Variants in RBFOX1 observed in about 807,000 individuals in gnomAD.
RBFOX1 encodes the protein RNA binding fox-1 homolog 1.
A neutral mutation model predicts 57.7 loss-of-function variants in RBFOX1; 8 were observed. The observed-to-expected ratio is 0.14, with a 90% CI of 0.08 to 0.25. The LOEUF (loss-of-function observed/expected upper bound fraction) is 0.25. Among genes scored for constraint, RBFOX1 ranks in the 10% least tolerant of loss-of-function variants. RBFOX1 has a pLI of 1.00. For synonymous variants in RBFOX1, 326 were observed against 222.4 expected, an observed-to-expected ratio of 1.47 and a Z score of -4.15; for missense variants, 611 against 548.5, an observed-to-expected ratio of 1.11 and a Z score of -1.14.
intron 4 of RBFOX1, among the ~76,000 whole-genome samples, chr16:5,871,402 C>T (rs936802908): frequency 1.3e-5 from 2 of 152,218 alleles, no homozygotes; most frequent in African/African-American, 4.8e-5. Flanking sequence ...AAGTTCAGCA[C>T]ACACATATTT....
intron 4 of RBFOX1, among the ~76,000 whole-genome samples, chr16:7,137,263 C>A (rs984700408): frequency 6.6e-6 from 1 of 152,140 alleles, no homozygotes; most frequent in Non-Finnish European, 1.5e-5. Context: ...CCTATTCTGA[C>A]CAGCACAGGT....
chr16:6,000,174 T>G (rs953672145), intron 4 of RBFOX1, among the ~76,000 whole-genome samples: 1 of 152,152 alleles, frequency 6.6e-6, no homozygotes, highest in Non-Finnish European at 1.5e-5. Flanking sequence ...TTACAGGATG[T>G]GTTTTCTGGC....
intron 5 of RBFOX1, among the ~76,000 whole-genome samples, chr16:7,551,254 G>A (rs2152549757): frequency 6.6e-6 from 1 of 152,168 alleles, no homozygotes; most frequent in East Asian, 1.9e-4. Context: ...ACCACCACTT[G>A]TCCCCCAGAA....
At chr16:6,824,236 C>G (rs558662348) in intron 3 of RBFOX1, among the ~76,000 whole-genome samples, 29 of 152,312 alleles carry the variant, frequency 1.9e-4, no homozygotes, top group African/African-American at 7.0e-4. Flanking sequence ...GAAACTCCAT[C>G]TCCACTAAAA....
chr16:7,557,606 T>A lies in RBFOX1; in HGVS notation c.271-22171T>A, dbSNP rs2088990477. On this transcript the variant is annotated intron_variant, in intron 5 of 15. Transcript: ENST00000550418. ...CTGCACTCCAGCCTGGGAGACAAAGTTAGACTCTGTCTCAAAAAAAAAAAA... is the reference window on the plus strand; with the variant it reads ...CTGCACTCCAGCCTGGGAGACAAAGATAGACTCTGTCTCAAAAAAAAAAAA... Among the ~76,000 whole-genome samples the A allele has an allele frequency of 5.5e-5, 6 of 109,966 alleles. No individual in the cohort carries two copies. The Admixed American group carries it at 7.4e-4, about 13-fold the overall frequency. The allele number at this position is 109,966 out of a possible 152,430, so 72.1% of individuals were successfully genotyped here.
At chr16:5,629,954 A>G (rs1567320264) in intron 3 of RBFOX1, among the ~76,000 whole-genome samples, 2 of 152,142 alleles carry the variant, frequency 1.3e-5, no homozygotes, top group African/African-American at 4.8e-5. Flanking sequence ...ATCTCACAGG[A>G]GAGCTCCGTG....
chr16:5,436,109 G>A (rs1314044622), intron 1 of RBFOX1, among the ~76,000 whole-genome samples: 1 of 152,174 alleles, frequency 6.6e-6, no homozygotes, highest in East Asian at 1.9e-4. Flanking sequence ...AGGGGAGGGG[G>A]CAGTCCTAGA....
chr16:6,501,281 C>G (rs754440043), intron 2 of RBFOX1, among the ~76,000 whole-genome samples: 1 of 100,304 alleles, frequency 1.0e-5, no homozygotes, highest in Non-Finnish European at 1.9e-5. Context: ...CAAATGCTAT[C>G]CCTCCCCCCT....
intron 3 of RBFOX1, among the ~76,000 whole-genome samples, chr16:6,958,538 A>G (rs1009373552): frequency 6.6e-6 from 1 of 152,188 alleles, no homozygotes; most frequent in African/African-American, 2.4e-5. Context: ...AAACACATGG[A>G]TTGTTTTAAA....
At chr16:5,615,670 A>T (rs2047996008) in intron 3 of RBFOX1, among the ~76,000 whole-genome samples, 1 of 152,104 alleles carries the variant, frequency 6.6e-6, no homozygotes, top group South Asian at 2.1e-4. Flanking sequence ...GCCACTTTGG[A>T]TCGAGCCGTT....
intron 4 of RBFOX1, among the ~76,000 whole-genome samples, chr16:7,061,681 C>A (rs1035124333): frequency 6.6e-6 from 1 of 152,168 alleles, no homozygotes; most frequent in Non-Finnish European, 1.5e-5. Flanking sequence ...CAGGGAAAAT[C>A]TATTCCCATT....
intron 3 of RBFOX1, among the ~76,000 whole-genome samples, chr16:5,627,754 A>G (rs886769243): frequency 6.6e-6 from 1 of 152,222 alleles, no homozygotes; most frequent in East Asian, 1.9e-4. Flanking sequence ...TTTACATAGC[A>G]TTTACATTGT....
chr16:6,985,804 G>T (rs560885184), intron 3 of RBFOX1, among the ~76,000 whole-genome samples: 17 of 132,548 alleles, frequency 1.3e-4, no homozygotes, highest in Admixed American at 7.2e-4. Context: ...ACTGCACTCC[G>T]GCCTGGGCCA....
At chr16:6,523,741 A>G (rs1567549575) in intron 2 of RBFOX1, among the ~76,000 whole-genome samples, 1 of 152,032 alleles carries the variant, frequency 6.6e-6, no homozygotes, top group Admixed American at 6.6e-5. Context: ...ACATAGCCCC[A>G]TTGGTTGACT....
chr16:5,574,039 C>G (rs1190893637), intron 2 of RBFOX1, among the ~76,000 whole-genome samples: 1 of 152,176 alleles, frequency 6.6e-6, no homozygotes, highest in Non-Finnish European at 1.5e-5. Context: ...GGATTTGCCC[C>G]CGATGCCATT....
intron 4 of RBFOX1, among the ~76,000 whole-genome samples, chr16:7,131,998 CTTTTTTTTTT>C (rs34879688): frequency 1.7e-3 from 211 of 123,836 alleles, no homozygotes; most frequent in Admixed American, 2.6e-3. Context: ...TTTTTTCTTT[CTTTTTTTTTT>C]TTTTTTTGAG....
intron 1 of RBFOX1, among the ~76,000 whole-genome samples, chr16:6,214,587 G>A (rs1255828528): frequency 2.5e-5 from 3 of 119,178 alleles, no homozygotes; most frequent in Non-Finnish European, 3.5e-5. Context: ...CAAAGTGGGA[G>A]AAGGAGGGAG....
intron 4 of RBFOX1, among the ~76,000 whole-genome samples, chr16:7,114,870 G>A (rs377422138): frequency 2.6e-5 from 4 of 152,196 alleles, no homozygotes; most frequent in East Asian, 1.9e-4. Flanking sequence ...TACACACTGT[G>A]TGTTGCTTGG....
intron 4 of RBFOX1, among the ~76,000 whole-genome samples, chr16:7,108,317 CTTCT>C (rs1555480210): frequency 2.7e-5 from 4 of 147,692 alleles, no homozygotes; most frequent in Non-Finnish European, 4.5e-5. Context: ...CAAACAAGAA[CTTCT>C]TTCTATTTTA....
Sources: gnomAD v4.1 joint callset for allele counts (sites outside exome capture counted in the v4.1 genomes callset) on GRCh38, gnomAD v4.1.1 for gene constraint, MANE v1.5 for transcripts, NCBI Gene and HGNC (gene_info 2026-07-23, HGNC 2026-07-21) for gene names.